The following DAPK2 variants were observed in gnomAD, a reference collection of about 807,000 sequenced individuals.
The protein encoded by DAPK2 is death associated protein kinase 2.
A neutral mutation model predicts 44.1 loss-of-function variants in DAPK2; 35 were observed. The ratio of observed to expected loss-of-function variants is 0.79; its 90% CI spans 0.61 to 1.05. The LOEUF (loss-of-function observed/expected upper bound fraction) is 1.05. Ranked by LOEUF, DAPK2 falls within the 50% of genes least tolerant of loss-of-function variation. DAPK2 has a pLI of 0.00. For synonymous variants in DAPK2, 174 were observed against 182.6 expected (o/e 0.95, Z 0.38); for missense variants, 453 against 483.2 (o/e 0.94, Z 0.59).
At chr15:63,989,556 G>A (rs1280289602) in intron 1 of DAPK2, among the ~76,000 whole-genome samples, 2 of 152,204 alleles carry the variant, frequency 1.3e-5, no homozygotes, top group East Asian at 1.9e-4. Context: ...CATCCCAGAA[G>A]AGAACAGTAT....
chr15:64,011,420 G>T (rs2079386622), intron 1 of DAPK2, among the ~76,000 whole-genome samples: 1 of 152,104 alleles, frequency 6.6e-6, no homozygotes, highest in Non-Finnish European at 1.5e-5. Context: ...AATTAGCCAG[G>T]CATGGTGGCG....
intron 1 of DAPK2, among the ~76,000 whole-genome samples, chr15:63,989,351 G>A (rs1210010882): frequency 1.3e-5 from 2 of 151,998 alleles, no homozygotes; most frequent in East Asian, 1.9e-4. Flanking sequence ...CAGCCTGGGC[G>A]ACAAGCAAGA....
rs144029818 is a variant in DAPK2 at position 64,009,617 on chromosome 15, A to T, written c.93-25863T>A. On this transcript the variant is annotated intron_variant, in intron 1 of 10. Coordinates refer to ENST00000261891, the Ensembl canonical transcript of DAPK2. Reference sequence around the variant, plus strand: ...CTACCCAAATGCTACTCCTGTTTTAAGTTCAAGTTCCAGCTCCTCCTGGAA... The same window carrying T: ...CTACCCAAATGCTACTCCTGTTTTATGTTCAAGTTCCAGCTCCTCCTGGAA... 1.3e-3 allele frequency among the ~76,000 whole-genome samples: 199 copies of T among 152,214 alleles called. 1 individual carries two copies. The highest frequency in any genetic ancestry group is 4.3e-3 in the African/African-American group (179 of 41,532).
At chr15:63,948,352 G>C (rs573015255) in intron 3 of DAPK2, among the ~76,000 whole-genome samples, 2 of 145,486 alleles carry the variant, frequency 1.4e-5, no homozygotes, top group Non-Finnish European at 3.0e-5. Context: ...AGCAGCTTTT[G>C]CTTCTGGAGA....
intron 8 of DAPK2, chr15:63,922,197 C>A (rs1317592738): frequency 1.3e-5 from 10 of 756,090 alleles, no homozygotes; most frequent in African/African-American, 3.8e-5. Flanking sequence ...CTTTTAAGGA[C>A]CAAGTGAGGT....
intron 6 of DAPK2, among the ~76,000 whole-genome samples, chr15:63,927,547 C>T (rs1270215227): frequency 6.6e-6 from 1 of 152,190 alleles, no homozygotes; most frequent in Non-Finnish European, 1.5e-5. Flanking sequence ...CCAGCCTAAC[C>T]TTGGTTCCAC....
chr15:63,947,026 A>G (rs151246434), intron 3 of DAPK2, among the ~76,000 whole-genome samples: 1 of 151,122 alleles, frequency 6.6e-6, no homozygotes, highest in Non-Finnish European at 1.5e-5. Flanking sequence ...CCCATGCCCA[A>G]TACGTGCCTC....
At position 63,989,716 on chromosome 15, in the gene DAPK2, T is replaced by C. The variant is rs117605224; in HGVS notation, c.93-5962A>G. 5.0e-3 allele frequency among the ~76,000 whole-genome samples: 758 copies of C among 152,166 alleles called. 4 individuals carry two copies. The highest frequency in any genetic ancestry group is 0.044 in the Middle Eastern group (13 of 294). On this transcript the variant is annotated intron_variant, in intron 1 of 10. Transcript: ENST00000261891. ...ACACATACATACACACGCACATACA[T>C]AGTCTCGCTCTGTTGCCCAGGCTGG...
chr15:63,911,999 A>T lies in DAPK2; in HGVS notation c.949-8T>A, dbSNP rs1225424997. The T allele has an allele frequency of 1.2e-6, 2 of 1,613,312 alleles. No individual in the cohort carries two copies. The highest frequency in any genetic ancestry group is 4.5e-5 in the East Asian group (2 of 44,894). On this transcript the variant is annotated splice_polypyrimidine_tract_variant and splice_region_variant and intron_variant, in intron 9 of 10. Transcript: ENST00000261891. ...CACGATGCTGAAGGAAAGCTGAGGG[A>T]GGCAGAGGAAAGGAATCCCCAGGTG...
At chr15:64,021,791 G>A (rs2079690613) in intron 1 of DAPK2, among the ~76,000 whole-genome samples, 1 of 152,200 alleles carries the variant, frequency 6.6e-6, no homozygotes, top group Admixed American at 6.5e-5. Context: ...ATTTTCACTG[G>A]ACTTGAGAGC....
At chr15:64,029,241 G>C (rs1002470857) in intron 1 of DAPK2, among the ~76,000 whole-genome samples, 1 of 151,866 alleles carries the variant, frequency 6.6e-6, no homozygotes, top group African/African-American at 2.4e-5. Context: ...TAACTCAAGC[G>C]TGTGCAATGC....
chr15:64,023,743 G>A (rs970981933), intron 1 of DAPK2, among the ~76,000 whole-genome samples: 5 of 152,088 alleles, frequency 3.3e-5, no homozygotes, highest in Admixed American at 1.3e-4. Context: ...TGCTATCTAC[G>A]GCCATTTGCT....
chr15:63,914,739 C>A (rs1294086731), intron 8 of DAPK2, among the ~76,000 whole-genome samples: 1 of 152,152 alleles, frequency 6.6e-6, no homozygotes, highest in Non-Finnish European at 1.5e-5. Context: ...TCTGTGAATC[C>A]AAAGTCTCCG....
At chr15:63,950,497 C>T (rs2077557756) in intron 3 of DAPK2, among the ~76,000 whole-genome samples, 1 of 151,964 alleles carries the variant, frequency 6.6e-6, no homozygotes, top group African/African-American at 2.4e-5. Flanking sequence ...GGATTACAGC[C>T]ATGAGCCACA....
intron 1 of DAPK2, among the ~76,000 whole-genome samples, chr15:64,006,120 T>A (rs1402036362): frequency 1.3e-5 from 2 of 149,636 alleles, no homozygotes; most frequent in African/African-American, 4.9e-5. Flanking sequence ...CCCTATGGCC[T>A]CTCCTGGCAT....
At chr15:64,022,742 C>G (rs2079725476) in intron 1 of DAPK2, among the ~76,000 whole-genome samples, 1 of 152,096 alleles carries the variant, frequency 6.6e-6, no homozygotes, top group South Asian at 2.1e-4. Context: ...TCTCTTGCGC[C>G]CAGGAGGCAG....
intron 2 of DAPK2, among the ~76,000 whole-genome samples, chr15:63,982,885 T>C (rs143628981): frequency 1.9e-3 from 284 of 152,346 alleles, no homozygotes; most frequent in Non-Finnish European, 3.0e-3. Context: ...GTACTTGGCT[T>C]GCACAATGAA....
chr15:64,036,303 G>GTATATATATA (rs1225495882), intron 1 of DAPK2, among the ~76,000 whole-genome samples: 6 of 48,648 alleles, frequency 1.2e-4, no homozygotes, highest in Non-Finnish European at 2.5e-4. Context: ...GTGTGTGTGT[G>GTATATATATA]TGTGTGTATA....
At chr15:63,972,420 G>A (rs1344004543) in intron 2 of DAPK2, among the ~76,000 whole-genome samples, 1 of 152,180 alleles carries the variant, frequency 6.6e-6, no homozygotes, top group East Asian at 1.9e-4. Context: ...CACAAAGAGA[G>A]GAGATTCTCA....
Sources: allele counts gnomAD v4.1 joint callset (sites outside exome capture counted in the v4.1 genomes callset), GRCh38; gene constraint gnomAD v4.1.1; transcripts MANE v1.5; gene names NCBI Gene and HGNC (gene_info 2026-07-23, HGNC 2026-07-21).